DNAH1: variants seen among roughly 807,000 people sequenced by gnomAD.
DNAH1 encodes the protein axonemal beta dynein heavy chain 1.
In DNAH1, 327 loss-of-function variants were observed where a neutral mutation model predicts 484.3. The ratio of observed to expected loss-of-function variants is 0.68; its 90% CI spans 0.62 to 0.74. DNAH1 has a LOEUF of 0.74. Among genes scored for constraint, DNAH1 ranks in the 30% least tolerant of loss-of-function variants. The pLI is 0.00. For synonymous variants in DNAH1, 2,192 were observed against 2,191.9 expected, an observed-to-expected ratio of 1.00 and a Z score of 0.00; for missense variants, 5,052 against 5,546.8, an observed-to-expected ratio of 0.91 and a Z score of 2.83.
At position 52,357,763 on chromosome 3, in the gene DNAH1, C is replaced by T. The variant is rs764918700; in HGVS notation, c.3980+28C>T. On this transcript the variant is annotated intron_variant, in intron 23 of 77. Transcript: ENST00000420323. Reference sequence around the variant, plus strand: ...GGGCGCCACCTGGCCATGCCCACTCCGCCACTGTCTGCCCACAAGGCTGAG... The same window carrying T: ...GGGCGCCACCTGGCCATGCCCACTCTGCCACTGTCTGCCCACAAGGCTGAG... 25 of 1,572,508 alleles carry T rather than the reference C, an allele frequency of 1.6e-5. 1 individual carries two copies. The highest frequency in any genetic ancestry group is 3.3e-4 in the Middle Eastern group (2 of 6,036).
intron 5 of DNAH1, among the ~76,000 whole-genome samples, chr3:52,327,584 C>G (rs1165515004): frequency 6.6e-6 from 1 of 152,208 alleles, no homozygotes; most frequent in Non-Finnish European, 1.5e-5. Context: ...ACCACCTGCT[C>G]TGGGTCCCTG....
At position 52,347,925 on chromosome 3, in the gene DNAH1, T is replaced by C; in HGVS notation, c.2057T>C (p.Leu686Pro). ...CAGTTTGAGGCATCTCTGCTGAACC[T>C]CTTCGACAAGGGCATCCTGGCCACC... ...LEQFEASLLN[L>P]FDKGILATHA... is the part of the protein sequence containing the mutation. The change falls in exon 12 of 78, where the codon CTC becomes CCC. Residue 686 changes from leucine (L) to proline (P), a missense_variant. Leu to Pro is a moderately conservative substitution (Grantham distance 98). Around this residue, in one of 4 missense-constraint regions of DNAH1, gnomAD observed 1,263 missense variants for 1,218.8 expected, o/e 1.04. Coordinates refer to ENST00000420323, the MANE Select transcript of DNAH1 (RefSeq NM_015512.5). 6.2e-7 allele frequency: 1 copy of C among 1,610,882 alleles called. No homozygotes were observed. Among genetic ancestry groups the C allele is most frequent in the East Asian group, 2.2e-5 (1 of 44,762 alleles).
the DNAH1 span, among the ~76,000 whole-genome samples, chr3:52,311,248 C>T: frequency 2.0e-5 from 3 of 152,200 alleles, no homozygotes; most frequent in Non-Finnish European, 2.9e-5. Flanking sequence ...TGAGGCCCTG[C>T]GCCTCCAGGA....
chr3:52,328,734 G>A (rs1225883033), intron 6 of DNAH1, among the ~76,000 whole-genome samples: 3 of 152,252 alleles, frequency 2.0e-5, no homozygotes, highest in South Asian at 2.1e-4. Flanking sequence ...GTGGGCATCC[G>A]CAGCTGACAT....
At chr3:52,380,218 C>A in intron 48 of DNAH1, 83 bp downstream of exon 48, 1 of 1,205,078 alleles carries the variant, frequency 8.3e-7, no homozygotes, top group Non-Finnish European at 1.2e-6. Context: ...CTGCAGTCAC[C>A]ACTAACAGAC....
At position 52,335,183 on chromosome 3, in the gene DNAH1, G is replaced by A. The variant is rs1191745286; in HGVS notation, c.1286+2789G>A. 2.3e-4 allele frequency among the ~76,000 whole-genome samples: 29 copies of A among 127,356 alleles called. 1 individual carries two copies. The highest frequency in any genetic ancestry group is 7.6e-4 in the South Asian group (3 of 3,972). 83.6% of individuals were successfully genotyped at this position (127,356 alleles called of 152,430 possible). On this transcript the variant is annotated intron_variant, in intron 8 of 77. Transcript: ENST00000420323. ...TTTTTTTTTTTTGCTTCTCTCCCGA[G>A]TAGCTGGAATTACAGGTGCCTGCCA...
Position 52,384,934 on chromosome 3 carries a change from A to T in DNAH1, c.8471A>T (p.Glu2824Val). ...ATCCTCATCGGGCAGAAGAAACTGGAGCTGAAAACTGCCAAGAACCGCATG... is the reference window on the plus strand; with the variant it reads ...ATCCTCATCGGGCAGAAGAAACTGGTGCTGAAAACTGCCAAGAACCGCATG... ...FSILIGQKKL[E>V]LKTAKNRMKS... is the part of the protein sequence containing the mutation. The change falls in exon 53 of 78, where the codon GAG becomes GTG. Residue 2824 changes from glutamate (E) to valine (V), a missense_variant. Coordinates refer to ENST00000420323, the MANE Select transcript of DNAH1 (RefSeq NM_015512.5). 1 of 1,613,628 alleles carries T rather than the reference A, an allele frequency of 6.2e-7. No individual in the cohort carries two copies.
rs1338923959 is a variant in DNAH1 at position 52,383,855 on chromosome 3, T to G, written c.8151-5T>G. 6.3e-7 allele frequency: 1 copy of G among 1,584,336 alleles called. No individual in the cohort carries two copies. Among genetic ancestry groups the G allele is most frequent in the Admixed American group, 1.8e-5 (1 of 56,980 alleles). On this transcript the variant is annotated splice_polypyrimidine_tract_variant and splice_region_variant and intron_variant, in intron 51 of 77. Transcript: ENST00000420323. ...TGGACCTCATTTGGATTCCTGACTT[T>G]CCAGCCCCATCGGAGAGGTCTTCCG...
intron 8 of DNAH1, among the ~76,000 whole-genome samples, chr3:52,336,816 T>C (rs1355059592): frequency 6.6e-6 from 1 of 152,244 alleles, no homozygotes; most frequent in Non-Finnish European, 1.5e-5. Context: ...AACAGTACTA[T>C]GGTGTTTTGG....
chr3:52,333,647 C>T (rs1227608435), intron 8 of DNAH1, among the ~76,000 whole-genome samples: 1 of 152,140 alleles, frequency 6.6e-6, no homozygotes, highest in Non-Finnish European at 1.5e-5. Context: ...CTTGGCCTCC[C>T]AAAGGGATTA....
At position 52,322,446 on chromosome 3, in the gene DNAH1, G is replaced by C. The variant is rs1701181553; in HGVS notation, c.4G>C (p.Glu2Gln). 1.2e-6 allele frequency: 2 copies of C among 1,606,212 alleles called. No homozygotes were observed. The highest frequency in any genetic ancestry group is 2.7e-5 in the African/African-American group (2 of 74,320). ...GGGCATCTCCCTGAGAAGCAGCATG[G>C]AGCAGCCTAACAGTAAAGGCTATAG... The part of the protein sequence containing the change: M[E>Q]QPNSKGYSLG... Residue 2 changes from glutamate (E) to glutamine (Q), a missense_variant, in exon 2 of 78, where the codon GAG (glutamate) becomes CAG (glutamine). Transcript: ENST00000420323.
At chr3:52,341,776 C>CAAGTGAGGAA in intron 8 of DNAH1, among the ~76,000 whole-genome samples, 1 of 151,962 alleles carries the variant, frequency 6.6e-6, no homozygotes, top group Non-Finnish European at 1.5e-5. Context: ...TCCCCTGAGT[C>CAAGTGAGGAA]AAGTGAGGAA....
intron 50 of DNAH1, 92 bp from the exon 51 acceptor site, chr3:52,383,294 T>C: frequency 1.7e-6 from 2 of 1,168,078 alleles, no homozygotes; most frequent in Non-Finnish European, 2.5e-6. Flanking sequence ...GTACAGTCTG[T>C]CAAATGGAGC....
intron 62 of DNAH1, 31 bp downstream of exon 62, chr3:52,391,359 A>AG: frequency 6.3e-7 from 1 of 1,597,674 alleles, no homozygotes; most frequent in Non-Finnish European, 8.5e-7. Context: ...GCAGGGTGGC[A>AG]GTAGGCCTGG....
chr3:52,372,368 G>A lies in DNAH1; in HGVS notation c.6808G>A (p.Asp2270Asn). 6.2e-7 allele frequency: 1 copy of A among 1,613,856 alleles called. No homozygotes were observed. Among genetic ancestry groups the A allele is most frequent in the Non-Finnish European group, 8.5e-7 (1 of 1,179,864 alleles). ...AGCCAACCAGACCCAGGACTTCATTGACAGCAAGCTGGACAAGAGGCAGGG... is the reference window on the plus strand; with the variant it reads ...AGCCAACCAGACCCAGGACTTCATTAACAGCAAGCTGGACAAGAGGCAGGG... ...TSANQTQDFIDSKLDKRRKGV... is the reference protein window; with the variant it reads ...TSANQTQDFINSKLDKRRKGV... Residue 2270 changes from aspartate to asparagine, a missense_variant, in exon 43 of 78, where the codon GAC becomes AAC. Physicochemically the swap from Asp to Asn is conservative, Grantham distance 23. Coordinates refer to ENST00000420323, the MANE Select transcript of DNAH1 (RefSeq NM_015512.5).
chr3:52,356,587 A>T, intron 21 of DNAH1, 27 bp from the exon 22 acceptor site: 1 of 1,610,686 alleles, frequency 6.2e-7, no homozygotes, highest in Non-Finnish European at 8.5e-7. Flanking sequence ...TCCATATCAC[A>T]CCCCTCCCTG....
intron 35 of DNAH1, 71 bp downstream of exon 35, chr3:52,366,619 G>T (rs1703086309): frequency 3.2e-6 from 5 of 1,554,184 alleles, no homozygotes; most frequent in African/African-American, 2.7e-5. Context: ...TTCAACAGGG[G>T]TTGGCCTCCA....
chr3:52,379,329 A>G lies in DNAH1; in HGVS notation c.7377+549A>G, dbSNP rs889097516. Among the ~76,000 whole-genome samples the G allele has an allele frequency of 6.6e-6, 1 of 152,174 alleles. No individual in the cohort carries two copies. Among genetic ancestry groups the G allele is most frequent in the Non-Finnish European group, 1.5e-5 (1 of 68,028 alleles). Reference sequence around the variant, plus strand: ...TAAGGAGATGGGGTGAGCAGGACAGAAGCTGACCCTGGCCTTGTAGCCACG... The same window carrying G: ...TAAGGAGATGGGGTGAGCAGGACAGGAGCTGACCCTGGCCTTGTAGCCACG... On this transcript the variant is annotated intron_variant, in intron 47 of 77. Coordinates refer to ENST00000420323, the MANE Select transcript of DNAH1 (RefSeq NM_015512.5). This position sits in a 1 kb window ranked among gnomAD's most constrained non-coding sequence, Gnocchi z 4.4.
intron 43 of DNAH1, 132 bp from the exon 44 acceptor site, chr3:52,372,764 G>T: frequency 8.2e-7 from 1 of 1,219,826 alleles, no homozygotes; most frequent in Admixed American, 2.5e-5. Flanking sequence ...GTGGGTCAAG[G>T]CATCTAGCAA....
Sources: allele counts gnomAD v4.1 joint callset (sites outside exome capture counted in the v4.1 genomes callset), GRCh38; gene constraint gnomAD v4.1.1; regional missense constraint gnomAD v4.1.1; non-coding constraint Gnocchi (gnomAD v3.1); transcripts MANE v1.5; gene names NCBI Gene and HGNC (gene_info 2026-07-23, HGNC 2026-07-21).